Variants in TAF4B observed in about 807,000 individuals in gnomAD.
TAF4B encodes the protein transcription initiation factor TFIID subunit 4B.
TAF4B carries 38 observed loss-of-function variants against 86.4 expected under a neutral mutation model. The ratio of observed to expected loss-of-function variants is 0.44; its 90% CI spans 0.34 to 0.58. TAF4B has a LOEUF of 0.58. Among genes scored for constraint, TAF4B ranks in the 20% least tolerant of loss-of-function variants. The pLI, the probability that TAF4B is intolerant of heterozygous loss-of-function variation, is 0.02. For missense variants in TAF4B, 988 were observed against 1,027.6 expected (o/e 0.96, Z 0.53); for synonymous variants, 388 against 391.2 (o/e 0.99, Z 0.10).
intron 9 of TAF4B, among the ~76,000 whole-genome samples, chr18:26,300,230 C>T (rs1338589611): frequency 1.3e-5 from 2 of 151,826 alleles, no homozygotes; most frequent in Admixed American, 6.6e-5. Flanking sequence ...CCCAAGCAGT[C>T]CTCCCATCTT....
chr18:26,315,440 G>C (rs2056902291), intron 10 of TAF4B, 42 bp downstream of exon 10: 3 of 1,448,552 alleles, frequency 2.1e-6, no homozygotes, highest in Non-Finnish European at 2.8e-6. Context: ...AGAGATGTCT[G>C]TTTGAGGGAA....
intron 13 of TAF4B, among the ~76,000 whole-genome samples, chr18:26,350,395 G>T (rs893265349): frequency 6.6e-6 from 1 of 152,190 alleles, no homozygotes; most frequent in African/African-American, 2.4e-5. Flanking sequence ...AAATGAGCCA[G>T]GTGTAATGGC....
Position 26,360,544 on chromosome 18 carries a change from C to A in TAF4B, c.2421+2750C>A, listed in dbSNP as rs549639824. 2.0e-3 allele frequency among the ~76,000 whole-genome samples: 303 copies of A among 152,134 alleles called. 2 individuals carry two copies. The highest frequency in any genetic ancestry group is 7.1e-3 in the African/African-American group (295 of 41,498). ...TTGGGTTTATATTCTATTTAGAAGG[C>A]CCTTTCTTAATTAGAATTATGTGTT... is the stretch of plus-strand genomic sequence containing the variant. On this transcript the variant is annotated intron_variant, in intron 14 of 14. Coordinates refer to ENST00000269142, the MANE Select transcript of TAF4B (RefSeq NM_005640.3).
chr18:26,297,338 T>C, intron 9 of TAF4B, among the ~76,000 whole-genome samples: 1 of 152,200 alleles, frequency 6.6e-6, no homozygotes. Context: ...TCTGGGAAGC[T>C]GGTCAGCTCT....
chr18:26,257,314 C>T (rs1322320363), intron 1 of TAF4B, among the ~76,000 whole-genome samples: 1 of 152,056 alleles, frequency 6.6e-6, no homozygotes, highest in Non-Finnish European at 1.5e-5. Context: ...CCCATCATTA[C>T]AAAATGCCCT....
At chr18:26,287,073 GT>G (rs145672149) in intron 7 of TAF4B, among the ~76,000 whole-genome samples, 1 of 151,820 alleles carries the variant, frequency 6.6e-6, no homozygotes, top group African/African-American at 2.4e-5. Flanking sequence ...CTCCTAAAAG[GT>G]TTTTTTTGTA....
chr18:26,285,222 G>GTTTTTTTTGTT (rs1555677504), intron 6 of TAF4B, among the ~76,000 whole-genome samples: 1 of 45,660 alleles, frequency 2.2e-5, no homozygotes, highest in Non-Finnish European at 4.5e-5. Flanking sequence ...TTTTTTTTTT[G>GTTTTTTTTGTT]TTTTTTTTTT....
At chr18:26,282,660 GACA>G (rs1391241279) in intron 6 of TAF4B, among the ~76,000 whole-genome samples, 1 of 152,188 alleles carries the variant, frequency 6.6e-6, no homozygotes, top group African/African-American at 2.4e-5. Context: ...CTTAAATTAA[GACA>G]ACAGTGCAAT....
rs1598799383 is a variant in TAF4B at position 26,322,643 on chromosome 18, C to T, written c.2133+1443C>T. Among the ~76,000 whole-genome samples the T allele has an allele frequency of 4.6e-5, 7 of 152,108 alleles. 1 individual carries two copies. Among genetic ancestry groups the T allele is most frequent in the African/African-American group, 1.7e-4 (7 of 41,534 alleles). On this transcript the variant is annotated intron_variant, in intron 11 of 14. Transcript: ENST00000269142. ...GCATCTTCTCTCTTTTTCTTCTTTG[C>T]TAGTAAAGCGAATGGTGTGTTGATT... is the stretch of plus-strand genomic sequence containing the variant.
intron 1 of TAF4B, among the ~76,000 whole-genome samples, chr18:26,237,123 T>A (rs961457996): frequency 1.3e-5 from 2 of 152,184 alleles, no homozygotes; most frequent in African/African-American, 4.8e-5. Flanking sequence ...TGGGTCCCAG[T>A]GGGGATCCGT....
intron 6 of TAF4B, among the ~76,000 whole-genome samples, chr18:26,284,764 G>A (rs1598757105): frequency 6.6e-6 from 1 of 152,052 alleles, no homozygotes; most frequent in African/African-American, 2.4e-5. Context: ...AGCTACTCAG[G>A]AGGCTGAGGC....
chr18:26,285,222 G>GTTTTTTTTTTTTTTTTTTTTT (rs776976703), intron 6 of TAF4B, among the ~76,000 whole-genome samples: 6 of 45,690 alleles, frequency 1.3e-4, no homozygotes, highest in East Asian at 1.1e-3. Context: ...TTTTTTTTTT[G>GTTTTTTTTTTTTTTTTTTTTT]TTTTTTTTTT....
chr18:26,380,141 A>G (rs115965696), intron 14 of TAF4B, among the ~76,000 whole-genome samples: 1 of 151,900 alleles, frequency 6.6e-6, no homozygotes, highest in Non-Finnish European at 1.5e-5. Flanking sequence ...TATGCTTTTT[A>G]TTTTCTTTTC....
chr18:26,277,124 C>G (rs899277973), intron 5 of TAF4B, among the ~76,000 whole-genome samples: 1 of 151,902 alleles, frequency 6.6e-6, no homozygotes, highest in South Asian at 2.1e-4. Flanking sequence ...ACTCTGTCAC[C>G]CAGGCTGGAG....
At position 26,321,320 on chromosome 18, in the gene TAF4B, G is replaced by A. The variant is rs183212438; in HGVS notation, c.2133+120G>A. Reference sequence around the variant, plus strand: ...GTTGAGGCTTATATTTCATATTAGTGGAAAATCAAAGTCTCATTCTTATTT... The same window carrying A: ...GTTGAGGCTTATATTTCATATTAGTAGAAAATCAAAGTCTCATTCTTATTT... On this transcript the variant is annotated intron_variant, in intron 11 of 14. Transcript: ENST00000269142. 1.6e-5 allele frequency: 16 copies of A among 1,015,224 alleles called. No individual in the cohort carries two copies. The Admixed American group carries it at 3.0e-4, about 19-fold the overall frequency. 62.9% of individuals were successfully genotyped at this position (1,015,224 alleles called of 1,614,324 possible). A position where few individuals can be genotyped will look rare whatever the true frequency, so the allele number is the denominator to read the frequency against.
rs1978678025 is a variant in TAF4B at position 26,391,038 on chromosome 18, T to C, written c.*1026T>C. ...CCTAATTTTTAAGCATGTTGGCACATTTAAAAAATCCTAATTGATGATGAG... is the reference window on the plus strand; with the variant it reads ...CCTAATTTTTAAGCATGTTGGCACACTTAAAAAATCCTAATTGATGATGAG... On this transcript the variant is annotated 3_prime_UTR_variant, in exon 15 of 15. Transcript: ENST00000269142. 2 of 152,324 alleles carry C rather than the reference T, an allele frequency of 1.3e-5. No individual in the cohort carries two copies. Among genetic ancestry groups the C allele is most frequent in the South Asian group, 4.1e-4 (2 of 4,824 alleles). The allele number at this position is 152,324 out of a possible 1,614,324, so 9.4% of individuals were successfully genotyped here.
intron 14 of TAF4B, among the ~76,000 whole-genome samples, chr18:26,365,852 C>T (rs368747725): frequency 5.9e-4 from 90 of 152,150 alleles, no homozygotes; most frequent in African/African-American, 2.1e-3. Context: ...AGCAGTGGTG[C>T]GATCTCAGCT....
intron 14 of TAF4B, among the ~76,000 whole-genome samples, chr18:26,386,030 ACTTT>A (rs746481985): frequency 6.6e-6 from 1 of 152,180 alleles, no homozygotes; most frequent in Non-Finnish European, 1.5e-5. Context: ...AGAAAGATTG[ACTTT>A]CTAAGTTAGC....
intron 13 of TAF4B, among the ~76,000 whole-genome samples, chr18:26,341,895 A>AG (rs1291542992): frequency 2.0e-5 from 3 of 148,692 alleles, no homozygotes; most frequent in Non-Finnish European, 3.0e-5. Context: ...AATGTTTAGT[A>AG]GTTTTTTTTT....
Sources: allele counts gnomAD v4.1 joint callset (sites outside exome capture counted in the v4.1 genomes callset), GRCh38; gene constraint gnomAD v4.1.1; transcripts MANE v1.5; gene names NCBI Gene and HGNC (gene_info 2026-07-23, HGNC 2026-07-21).